GDAP1: variants seen among roughly 807,000 people sequenced by gnomAD.
The protein encoded by GDAP1 is ganglioside-induced differentiation-associated protein 1.
In GDAP1, 34 loss-of-function variants were observed where a neutral mutation model predicts 40.1. The ratio of observed to expected loss-of-function variants is 0.85; its 90% CI spans 0.64 to 1.13. The LOEUF is 1.13. Ranked by LOEUF, GDAP1 falls within the 50% of genes most tolerant of loss-of-function variation. The probability of loss-of-function intolerance (pLI) is 0.00; values close to 1 mark genes in which losing one functional copy is unlikely to be tolerated. For missense variants in GDAP1, 374 were observed against 433.7 expected (o/e 0.86, Z 1.22); for synonymous variants, 170 against 157.4 (o/e 1.08, Z -0.60).
exon 3 of GDAP1, chr8:74,488,865 A>G (rs1806808250): frequency 6.6e-6 from 1 of 152,266 alleles, no homozygotes; most frequent in African/African-American, 2.4e-5. Context: ...ATAGGTTTGG[A>G]GCCTTTCTCC....
Position 74,364,198 on chromosome 8 carries a change from C to T in GDAP1, c.908C>T (p.Ala303Val), listed in dbSNP as rs1440025936. Residue 303 changes from alanine (A) to valine (V), a missense_variant, in exon 6 of 6, where the codon GCA becomes GTA. By Grantham distance (64) the Ala-to-Val change is moderately conservative. Coordinates refer to ENST00000220822, the MANE Select transcript of GDAP1 (RefSeq NM_018972.4). ...LGHVNNILIS[A>V]VLPTAFRVAK... ...CATGTCAACAATATATTAATCTCTG[C>T]AGTGCTGCCAACAGCATTCCGGGTG... The T allele has an allele frequency of 6.2e-6, 10 of 1,614,090 alleles. No individual in the cohort carries two copies. Among genetic ancestry groups the T allele is most frequent in the Non-Finnish European group, 7.6e-6 (9 of 1,179,924 alleles).
At position 74,429,524 on chromosome 8, in the gene GDAP1, A is replaced by C. The variant is rs1806000390; in HGVS notation, c.166-59154A>C. ...TGGGAAGTCTGAAATCAATGTGTCA[A>C]CAGGGTTGATTTCTTCAAAGAGTCC... On this transcript the variant is annotated intron_variant, in intron 2 of 2. Transcript: ENST00000523640. 2.0e-5 allele frequency among the ~76,000 whole-genome samples: 3 copies of C among 152,286 alleles called. No homozygotes were observed. The South Asian group carries it at 6.2e-4, about 32-fold the overall frequency.
chr8:74,372,628 G>C (rs957416522), intron 2 of GDAP1, among the ~76,000 whole-genome samples: 3 of 152,112 alleles, frequency 2.0e-5, no homozygotes, highest in Non-Finnish European at 4.4e-5. Context: ...ATTTTTTCTT[G>C]TAAATTTGTT....
chr8:74,368,748 G>A (rs900752479), downstream of GDAP1, among the ~76,000 whole-genome samples: 6 of 152,108 alleles, frequency 3.9e-5, no homozygotes, highest in African/African-American at 1.4e-4. Flanking sequence ...AGGCTTACCA[G>A]CATTTTTCAA....
At chr8:74,484,020 C>T (rs1186006951) in intron 2 of GDAP1, among the ~76,000 whole-genome samples, 1 of 152,086 alleles carries the variant, frequency 6.6e-6, no homozygotes, top group Admixed American at 6.6e-5. Flanking sequence ...GTTGTTCCTT[C>T]TTTATTGGAG....
Position 74,466,703 on chromosome 8 carries a change from G to A in GDAP1, c.166-21975G>A, listed in dbSNP as rs537115850. ...GTTTTTACATGTTAAATTTGAAGGC[G>A]CTGATTAGATATCCAAGTAAAAACG... On this transcript the variant is annotated intron_variant, in intron 2 of 2. Transcript: ENST00000523640. Among the ~76,000 whole-genome samples, 5 of 152,306 alleles carry A rather than the reference G, an allele frequency of 3.3e-5. No homozygotes were observed. In the South Asian group the frequency reaches 8.3e-4, roughly 25 times the overall value.
chr8:74,393,052 A>T (rs1810136540), intron 2 of GDAP1, among the ~76,000 whole-genome samples: 1 of 152,232 alleles, frequency 6.6e-6, no homozygotes, highest in Non-Finnish European at 1.5e-5. Flanking sequence ...AATACCTAAA[A>T]TATTAAGTGA....
intron 2 of GDAP1, among the ~76,000 whole-genome samples, chr8:74,472,003 CAT>C (rs1319734057): frequency 1.1e-4 from 16 of 151,962 alleles, no homozygotes; most frequent in Non-Finnish European, 1.5e-5. Context: ...TAGGTAAACT[CAT>C]GTCATGAGGG....
At chr8:74,373,365 G>A (rs1273332554) in intron 2 of GDAP1, among the ~76,000 whole-genome samples, 1 of 152,160 alleles carries the variant, frequency 6.6e-6, no homozygotes, top group Non-Finnish European at 1.5e-5. Context: ...CCATTTTCAC[G>A]ATATTGATTC....
chr8:74,388,445 T>A (rs1397815961), intron 2 of GDAP1, among the ~76,000 whole-genome samples: 1 of 152,118 alleles, frequency 6.6e-6, no homozygotes, highest in Non-Finnish European at 1.5e-5. Flanking sequence ...TACCCAATAG[T>A]CCATTCAGGA....
At chr8:74,447,554 GTT>G (rs1377360512) in intron 2 of GDAP1, among the ~76,000 whole-genome samples, 1 of 152,108 alleles carries the variant, frequency 6.6e-6, no homozygotes, top group African/African-American at 2.4e-5. Context: ...ACAACACACA[GTT>G]TCTTTAGTGT....
intron 2 of GDAP1, among the ~76,000 whole-genome samples, chr8:74,419,826 T>C (rs998573872): frequency 6.6e-6 from 1 of 152,200 alleles, no homozygotes; most frequent in African/African-American, 2.4e-5. Flanking sequence ...TTTCAGCTAA[T>C]TTTTATATAT....
At chr8:74,418,478 TATCA>T (rs1422352564) in intron 2 of GDAP1, among the ~76,000 whole-genome samples, 1 of 152,198 alleles carries the variant, frequency 6.6e-6, no homozygotes, top group African/African-American at 2.4e-5. Context: ...AACAATTGAA[TATCA>T]ATATTAAAAA....
At chr8:74,353,407 C>T (rs780632295) in intron 2 of GDAP1, among the ~76,000 whole-genome samples, 10 of 152,058 alleles carry the variant, frequency 6.6e-5, no homozygotes, top group East Asian at 1.9e-4. Context: ...GTAGATAGGA[C>T]GACAGCAAGA....
intron 2 of GDAP1, among the ~76,000 whole-genome samples, chr8:74,459,336 T>C (rs1217702145): frequency 6.6e-6 from 1 of 152,178 alleles, no homozygotes; most frequent in Non-Finnish European, 1.5e-5. Flanking sequence ...TCAGACACTT[T>C]TGAGAAAACA....
intron 2 of GDAP1, among the ~76,000 whole-genome samples, chr8:74,428,594 GT>G (rs1805983629): frequency 6.9e-6 from 1 of 144,448 alleles, no homozygotes; most frequent in Non-Finnish European, 1.5e-5. Flanking sequence ...AGCCTCCTGA[GT>G]AGCTGGGACT....
In GDAP1 at chr8:74,371,978, C is replaced by T. The variant is rs577693110; in HGVS notation, c.165+20657C>T. On this transcript the variant is annotated intron_variant, in intron 2 of 2. Transcript: ENST00000523640. ...GTTCCCCTTCCTGTGTCCAAGTGTT[C>T]TTATTGTTCAATTCCCACCTATGAG... Among the ~76,000 whole-genome samples the T allele has an allele frequency of 1.4e-3, 188 of 130,590 alleles. 1 individual carries two copies. Among genetic ancestry groups the T allele is most frequent in the African/African-American group, 5.2e-3 (186 of 35,484 alleles). 85.7% of individuals were successfully genotyped at this position (130,590 alleles called of 152,430 possible).
At chr8:74,484,772 A>G (rs1806754668) in intron 2 of GDAP1, among the ~76,000 whole-genome samples, 1 of 151,992 alleles carries the variant, frequency 6.6e-6, no homozygotes, top group East Asian at 1.9e-4. Flanking sequence ...GGCAAATCTT[A>G]TTTTTCTGGA....
At chr8:74,444,241 C>G (rs1806202922) in intron 2 of GDAP1, among the ~76,000 whole-genome samples, 1 of 142,034 alleles carries the variant, frequency 7.0e-6, no homozygotes, top group African/African-American at 2.8e-5. Flanking sequence ...CACACACACA[C>G]ACACACACAC....
Sources: allele counts gnomAD v4.1 joint callset (sites outside exome capture counted in the v4.1 genomes callset), GRCh38; gene constraint gnomAD v4.1.1; transcripts MANE v1.5; gene names NCBI Gene and HGNC (gene_info 2026-07-23, HGNC 2026-07-21).